KLHL22: variants seen among roughly 807,000 people sequenced by gnomAD.
KLHL22 encodes the protein kelch-like protein 22.
In KLHL22, 18 loss-of-function variants were observed where a neutral mutation model predicts 60.7. That is an observed-to-expected ratio of 0.30 (90% CI 0.20 to 0.44). The LOEUF (loss-of-function observed/expected upper bound fraction) is 0.44, where lower values mean the gene tolerates loss of function less well. Among genes scored for constraint, KLHL22 ranks in the 20% least tolerant of loss-of-function variants. The probability of loss-of-function intolerance (pLI) is 1.00; values close to 1 mark genes in which losing one functional copy is unlikely to be tolerated. For synonymous variants in KLHL22, 355 were observed against 354.5 expected (o/e 1.00, Z -0.01); for missense variants, 596 against 852.3 (o/e 0.70, Z 3.74).
intron 6 of KLHL22, among the ~76,000 whole-genome samples, chr22:20,444,541 G>A (rs909589144): frequency 2.0e-5 from 3 of 152,110 alleles, no homozygotes; most frequent in South Asian, 2.1e-4. Context: ...GTAACACAGC[G>A]TTCCCAGGTG....
intron 3 of KLHL22, among the ~76,000 whole-genome samples, chr22:20,468,566 G>A (rs2053268140): frequency 6.6e-6 from 1 of 152,204 alleles, no homozygotes; most frequent in Admixed American, 6.5e-5. Flanking sequence ...GCCTCCAAAA[G>A]TCACTAGCTA....
In KLHL22 at chr22:20,442,234, A is replaced by T; in HGVS notation, c.1744T>A (p.Ser582Thr). The T allele has an allele frequency of 6.2e-7, 1 of 1,610,336 alleles. No individual in the cohort carries two copies. Among genetic ancestry groups the T allele is most frequent in the South Asian group, 1.1e-5 (1 of 90,614 alleles). The change falls in exon 7 of 7, where the codon TCC becomes ACC. Residue 582 changes from serine (S) to threonine (T), a missense_variant. Coordinates refer to ENST00000328879, the MANE Select transcript of KLHL22 (RefSeq NM_032775.4). Reference sequence around the variant, plus strand: ...ACACAGGCCGCCAGGCCTGAGATGGAGTTGTCCAGCTGGGGCCCTTCCTCC... The same window carrying T: ...ACACAGGCCGCCAGGCCTGAGATGGTGTTGTCCAGCTGGGGCCCTTCCTCC... ...CWEEGPQLDNSISGLAACVLT... is the reference protein window; with the variant it reads ...CWEEGPQLDNTISGLAACVLT...
At chr22:20,449,505 A>G (rs559513020) in intron 5 of KLHL22, among the ~76,000 whole-genome samples, 2 of 152,074 alleles carry the variant, frequency 1.3e-5, no homozygotes, top group South Asian at 2.1e-4. Context: ...GGTTCAAGCA[A>G]TTCTCCTGCC....
At position 20,452,650 on chromosome 22, in the gene KLHL22, A is replaced by G. The variant is rs1209147896; in HGVS notation, c.1305+5158T>C. 2.0e-5 allele frequency among the ~76,000 whole-genome samples: 3 copies of G among 152,198 alleles called. No homozygotes were observed. In the East Asian group the frequency reaches 5.8e-4, roughly 29 times the overall value. On this transcript the variant is annotated intron_variant, in intron 5 of 6. Transcript: ENST00000328879. ...GGGAGTTCAGTATAACTGGGGATAA[A>G]CTAGAAGTACCTGTGATTTTACAGT...
chr22:20,487,363 G>A lies in KLHL22; in HGVS notation c.227+1622C>T, dbSNP rs552768517. ...CTCCCAAGTAGCTGGGATTACAGGC[G>A]CCCACCACTACACCCAGCTAATTTT... On this transcript the variant is annotated intron_variant, in intron 2 of 6. Transcript: ENST00000328879. Among the ~76,000 whole-genome samples, 6 of 146,540 alleles carry A rather than the reference G, an allele frequency of 4.1e-5. No homozygotes were observed. In the South Asian group the frequency reaches 1.3e-3, roughly 32 times the overall value.
At chr22:20,484,586 T>A (rs1358319970) in intron 2 of KLHL22, among the ~76,000 whole-genome samples, 1 of 152,150 alleles carries the variant, frequency 6.6e-6, no homozygotes. Flanking sequence ...TGAGCCACTG[T>A]GACCAGCTCT....
At chr22:20,474,562 T>C (rs2053379514) in intron 2 of KLHL22, among the ~76,000 whole-genome samples, 1 of 152,060 alleles carries the variant, frequency 6.6e-6, no homozygotes, top group African/African-American at 2.4e-5. Context: ...CGGCTAATTT[T>C]TGTATTTTTA....
At position 20,451,374 on chromosome 22, in the gene KLHL22, C is replaced by G. The variant is rs757060289; in HGVS notation, c.1306-4698G>C. The stretch of plus-strand genomic sequence containing the variant: ...ATATGCAGACAGCCCGGGAAGGTGC[C>G]GGACTCGTAGTGGCCAGTGGAGTGA... On this transcript the variant is annotated intron_variant, in intron 5 of 6. Transcript: ENST00000328879. 4 of 1,611,550 alleles carry G rather than the reference C, an allele frequency of 2.5e-6. No individual in the cohort carries two copies. The African/African-American group carries it at 5.3e-5, about 22-fold the overall frequency.
At chr22:20,486,803 T>C (rs1400918067) in intron 2 of KLHL22, among the ~76,000 whole-genome samples, 2 of 151,782 alleles carry the variant, frequency 1.3e-5, no homozygotes. Flanking sequence ...TGCTTCAGCC[T>C]CCTGAGTAGC....
chr22:20,489,369 T>C (rs2053644597), intron 1 of KLHL22, 125 bp from the exon 2 acceptor site: 2 of 697,440 alleles, frequency 2.9e-6, no homozygotes, highest in Non-Finnish European at 4.9e-6. Context: ...GTTTTCCCTC[T>C]ATTTCCAAAT....
chr22:20,483,996 G>A, intron 2 of KLHL22: 2 of 714,064 alleles, frequency 2.8e-6, no homozygotes, highest in Middle Eastern at 3.5e-4. Context: ...CTCGGTGCCT[G>A]CATAGACGCT....
rs1201200724 is a variant in KLHL22 at position 20,442,164 on chromosome 22, G to A, written c.1814C>T (p.Thr605Ile). The A allele has an allele frequency of 1.3e-6, 2 of 1,554,926 alleles. No homozygotes were observed. The highest frequency in any genetic ancestry group is 1.2e-5 in the South Asian group (1 of 81,526). Residue 605 changes from threonine (T) to isoleucine (I), a missense_variant, in exon 7 of 7, where the codon ACC (threonine) becomes ATC (isoleucine). Coordinates refer to ENST00000328879, the MANE Select transcript of KLHL22 (RefSeq NM_032775.4). ...RSLLLEPPRG[T>I]PDRSQADPDF... ...CGGGTCGGCCTGGCTGCGGTCAGGG[G>A]TCCCGCGGGGCGGCTCAAGGAGCAG...
At chr22:20,454,570 T>C (rs2053033004) in intron 5 of KLHL22, among the ~76,000 whole-genome samples, 1 of 152,198 alleles carries the variant, frequency 6.6e-6, no homozygotes, top group Non-Finnish European at 1.5e-5. Context: ...GTTACATGGC[T>C]ACAGGCAGTT....
At position 20,458,121 on chromosome 22, in the gene KLHL22, CTACCCCACA is replaced by C. The variant is rs2053093159; in HGVS notation, c.1113-130_1113-122del. On this transcript the variant is annotated intron_variant, in intron 4 of 6. Coordinates refer to ENST00000328879, the MANE Select transcript of KLHL22 (RefSeq NM_032775.4). ...TCAGCCCAGCCTGAACCCTCCCCAA[CTACCCCACA>C]TACCAGTGCACACCGATCTACAGCC... 3.7e-5 allele frequency: 38 copies of C among 1,030,658 alleles called. No individual in the cohort carries two copies. In the South Asian group the frequency reaches 5.9e-4, roughly 16 times the overall value. 63.8% of individuals were successfully genotyped at this position (1,030,658 alleles called of 1,614,324 possible).
chr22:20,458,445 A>ATT (rs938534970), intron 4 of KLHL22, among the ~76,000 whole-genome samples: 6,262 of 90,390 alleles, frequency 0.069, 583 homozygotes, highest in East Asian at 0.42. Flanking sequence ...AACGCCCGCT[A>ATT]TTTTTTTTTT....
intron 4 of KLHL22, 123 bp downstream of exon 4, chr22:20,464,735 T>C: frequency 1.5e-6 from 1 of 652,216 alleles, no homozygotes; most frequent in Non-Finnish European, 2.7e-6. Context: ...TAGACTTCAT[T>C]CCACAATGGC....
intron 4 of KLHL22, among the ~76,000 whole-genome samples, chr22:20,463,273 A>T (rs187730238): frequency 2.6e-5 from 4 of 152,156 alleles, no homozygotes; most frequent in African/African-American, 9.7e-5. Context: ...GGGACTGGTT[A>T]TTGGTTACAG....
intron 4 of KLHL22, among the ~76,000 whole-genome samples, chr22:20,464,539 G>C (rs1244244016): frequency 6.6e-6 from 1 of 152,152 alleles, no homozygotes; most frequent in Admixed American, 6.5e-5. Context: ...TGCCTTTCCT[G>C]CTGTGGGCTC....
chr22:20,470,811 G>GATGGATGCATGCATGC (rs1209005492), intron 3 of KLHL22, among the ~76,000 whole-genome samples: 1 of 145,292 alleles, frequency 6.9e-6, no homozygotes. Flanking sequence ...TGGATGGATG[G>GATGGATGCATGCATGC]ATGGATGGAT....
Sources: gnomAD v4.1 joint callset for allele counts (sites outside exome capture counted in the v4.1 genomes callset) on GRCh38, gnomAD v4.1.1 for gene constraint, MANE v1.5 for transcripts, NCBI Gene and HGNC (gene_info 2026-07-23, HGNC 2026-07-21) for gene names.